Variants in CYP2C8 observed in about 807,000 individuals in gnomAD.
CYP2C8 encodes cytochrome P450 family 2 subfamily C member 8, also known as cytochrome P450 2C8.
In CYP2C8, 51 loss-of-function variants were observed where a neutral mutation model predicts 41.3. The observed-to-expected ratio is 1.24, with a 90% CI of 0.99 to 1.56. The LOEUF is 1.56. Among genes scored for constraint, CYP2C8 ranks in the 40% most tolerant of loss-of-function variants. CYP2C8 has a pLI of 0.00. For synonymous variants in CYP2C8, 218 were observed against 205.8 expected (o/e 1.06, Z -0.51); for missense variants, 651 against 579.9 (o/e 1.12, Z -1.26).
At chr10:95,040,956 A>T (rs573187322) in intron 7 of CYP2C8, 165 of 456,276 alleles carry the variant, frequency 3.6e-4, no homozygotes, top group African/African-American at 3.1e-3. Context: ...CTTGTTATCA[A>T]AGCTCTGAAA....
chr10:95,043,082 CA>C lies in CYP2C8; in HGVS notation c.962-6del. 1 of 1,613,960 alleles carries C rather than the reference CA, an allele frequency of 6.2e-7. No individual in the cohort carries two copies. The highest frequency in any genetic ancestry group is 1.1e-5 in the South Asian group (1 of 91,076). The stretch of plus-strand genomic sequence containing the variant: ...CAATCTCTTCCTGGACTTTAGCTGA[CA>C]AGACACAAGAAAGAACTGATGGAAA... On this transcript the variant is annotated splice_region_variant and splice_polypyrimidine_tract_variant and intron_variant, in intron 6 of 8. Transcript: ENST00000371270.
intron 7 of CYP2C8, among the ~76,000 whole-genome samples, chr10:95,042,403 TA>T (rs35525603): frequency 0.61 from 92,521 of 151,370 alleles, 28,572 homozygotes; most frequent in Middle Eastern, 0.72. Flanking sequence ...TACAAAGAAA[TA>T]AAAAAAAATT....
intron 7 of CYP2C8, among the ~76,000 whole-genome samples, chr10:95,039,971 C>T (rs1232559027): frequency 1.3e-5 from 2 of 152,022 alleles, no homozygotes; most frequent in Non-Finnish European, 2.9e-5. Flanking sequence ...CTGCTGGTCT[C>T]AAAAAGGTCA....
At chr10:95,043,740 A>G (rs939002285) in intron 6 of CYP2C8, among the ~76,000 whole-genome samples, 6 of 152,148 alleles carry the variant, frequency 3.9e-5, no homozygotes, top group African/African-American at 1.4e-4. Flanking sequence ...GTGTACACAC[A>G]GACACACCCA....
At chr10:95,041,780 T>C in intron 7 of CYP2C8, among the ~76,000 whole-genome samples, 1 of 81,198 alleles carries the variant, frequency 1.2e-5, no homozygotes. Flanking sequence ...AGAGCGAGAC[T>C]CCGTCTCAAA....
chr10:95,039,760 A>G (rs2032958776), intron 7 of CYP2C8, among the ~76,000 whole-genome samples: 2 of 152,222 alleles, frequency 1.3e-5, no homozygotes, highest in Admixed American at 1.3e-4. Context: ...TACAATGGTA[A>G]GATCTGGAGG....
chr10:95,062,501 TC>T (rs890207325), intron 4 of CYP2C8, among the ~76,000 whole-genome samples: 5 of 152,198 alleles, frequency 3.3e-5, no homozygotes, highest in African/African-American at 7.2e-5. Flanking sequence ...TGATAGATCT[TC>T]CTCCTTCCCT....
chr10:95,041,184 G>T (rs2032987371), intron 7 of CYP2C8, among the ~76,000 whole-genome samples: 1 of 152,014 alleles, frequency 6.6e-6, no homozygotes, highest in African/African-American at 2.4e-5. Flanking sequence ...AAAAATGAGA[G>T]AAGAGAAAAA....
chr10:95,067,091 A>G (rs1242776107), intron 3 of CYP2C8, 117 bp downstream of exon 3: 3 of 1,410,828 alleles, frequency 2.1e-6, no homozygotes, highest in Non-Finnish European at 3.0e-6. Context: ...CCACCACCTG[A>G]GGGCTGACAA....
intron 6 of CYP2C8, among the ~76,000 whole-genome samples, chr10:95,045,554 T>C (rs2033091062): frequency 6.6e-6 from 1 of 152,220 alleles, no homozygotes; most frequent in Non-Finnish European, 1.5e-5. Context: ...ACAAATTACC[T>C]TTGCTGAAAT....
At chr10:95,054,809 G>A (rs1204878279) in intron 5 of CYP2C8, among the ~76,000 whole-genome samples, 1 of 152,090 alleles carries the variant, frequency 6.6e-6, no homozygotes, top group Non-Finnish European at 1.5e-5. Flanking sequence ...ATTTGCAATA[G>A]CATCAAAAGG....
chr10:95,059,255 C>T (rs1031103711), intron 4 of CYP2C8, among the ~76,000 whole-genome samples: 5 of 152,194 alleles, frequency 3.3e-5, no homozygotes, highest in African/African-American at 9.7e-5. Context: ...TTTACAGTCC[C>T]ACCAACAGTG....
chr10:95,063,818 G>T (rs1045004293), intron 4 of CYP2C8, among the ~76,000 whole-genome samples: 7 of 152,128 alleles, frequency 4.6e-5, no homozygotes, highest in Admixed American at 2.0e-4. Context: ...TGGGGTTTTG[G>T]TGTGGATGTC....
At chr10:95,065,594 T>C (rs889535362) in intron 3 of CYP2C8, among the ~76,000 whole-genome samples, 5 of 152,192 alleles carry the variant, frequency 3.3e-5, no homozygotes, top group Admixed American at 6.5e-5. Context: ...AACCAAAAAG[T>C]AAATTGATAA....
chr10:95,066,147 A>T (rs1419168974), intron 3 of CYP2C8, among the ~76,000 whole-genome samples: 3,701 of 113,882 alleles, frequency 0.032, 181 homozygotes, highest in African/African-American at 0.13. Context: ...AGAGAGAGAG[A>T]GAGAGAGTGT....
At position 95,067,320 on chromosome 10, in the gene CYP2C8, GATCTCCTTCC is replaced by G. The variant is rs2033591338; in HGVS notation, c.359_368del (p.Trp120SerfsTer34). ...GCAAGGTTGTGAGGGAGAAACGCCG[GATCTCCTTCC>G]ATCTCTTTCCATTGCTGGAAATGAT... On this transcript the variant is annotated frameshift_variant, in exon 3 of 9. Transcript: ENST00000371270. LOFTEE classifies it high-confidence loss of function. The G allele has an allele frequency of 5.0e-6, 8 of 1,613,942 alleles. No homozygotes were observed. Among genetic ancestry groups the G allele is most frequent in the Admixed American group, 1.7e-5 (1 of 59,972 alleles).
chr10:95,051,887 A>G (rs1173110450), intron 5 of CYP2C8, among the ~76,000 whole-genome samples: 1 of 152,092 alleles, frequency 6.6e-6, no homozygotes, highest in Admixed American at 6.6e-5. Context: ...CAAATAAACA[A>G]CCTAACAATA....
At chr10:95,062,586 CTT>C (rs2033461173) in intron 4 of CYP2C8, among the ~76,000 whole-genome samples, 1 of 152,136 alleles carries the variant, frequency 6.6e-6, no homozygotes, top group Non-Finnish European at 1.5e-5. Context: ...GGTCTTGACT[CTT>C]TATCCAGTTT....
intron 5 of CYP2C8, among the ~76,000 whole-genome samples, chr10:95,054,682 C>T (rs1296675259): frequency 2.0e-5 from 3 of 152,050 alleles, no homozygotes; most frequent in Admixed American, 2.0e-4. Flanking sequence ...CAAAAAACAA[C>T]TAGAGCTGAT....
Sources: gnomAD v4.1 joint callset for allele counts (sites outside exome capture counted in the v4.1 genomes callset) on GRCh38, gnomAD v4.1.1 for gene constraint, MANE v1.5 for transcripts, NCBI Gene and HGNC (gene_info 2026-07-23, HGNC 2026-07-21) for gene names.